The following RBFOX2 variants were observed in gnomAD, a reference collection of about 807,000 sequenced individuals.
RBFOX2 encodes RNA binding fox-1 homolog 2.
Under a neutral mutation model 49.1 loss-of-function variants are expected in RBFOX2, and 10 were observed. That is an observed-to-expected ratio of 0.20 (90% CI 0.13 to 0.35). The LOEUF is 0.35. RBFOX2 is among the 10% of genes least tolerant of loss of function. The probability of loss-of-function intolerance (pLI) is 1.00; values close to 1 mark genes in which losing one functional copy is unlikely to be tolerated. For missense variants in RBFOX2, 323 were observed against 486.9 expected, an observed-to-expected ratio of 0.66 and a Z score of 3.17; for synonymous variants, 183 against 187.4, an observed-to-expected ratio of 0.98 and a Z score of 0.19.
intron 1 of RBFOX2, among the ~76,000 whole-genome samples, chr22:35,899,768 G>A (rs1387994184): frequency 1.3e-5 from 2 of 152,164 alleles, no homozygotes; most frequent in Non-Finnish European, 2.9e-5. Flanking sequence ...CAGAGATTAA[G>A]ATGCACACAT....
At chr22:36,012,554 T>C (rs780297316) in intron 1 of RBFOX2, among the ~76,000 whole-genome samples, 9 of 152,086 alleles carry the variant, frequency 5.9e-5, no homozygotes, top group African/African-American at 2.2e-4. Flanking sequence ...CACTCCAGCC[T>C]GAGTGATGCA....
At chr22:35,774,024 C>T (rs1212619722) in intron 4 of RBFOX2, among the ~76,000 whole-genome samples, 1 of 152,094 alleles carries the variant, frequency 6.6e-6, no homozygotes, top group African/African-American at 2.4e-5. Context: ...ATGAGAATAT[C>T]ACTAGTGCAC....
At chr22:35,753,526 A>G in intron 9 of RBFOX2, among the ~76,000 whole-genome samples, 1 of 152,098 alleles carries the variant, frequency 6.6e-6, no homozygotes, top group South Asian at 2.1e-4. Flanking sequence ...CATTACTATT[A>G]ATTACTTTCA....
chr22:35,836,937 G>A (rs1174440930), intron 1 of RBFOX2, among the ~76,000 whole-genome samples: 2 of 152,144 alleles, frequency 1.3e-5, no homozygotes, highest in African/African-American at 4.8e-5. Context: ...AATATGAGAT[G>A]CAATAATCTG....
chr22:35,746,139 C>A (rs1430207177), intron 10 of RBFOX2, 144 bp from the exon 13 acceptor site: 8 of 761,260 alleles, frequency 1.1e-5, no homozygotes, highest in Non-Finnish European at 4.4e-6. Context: ...TAGGAAAAAA[C>A]CTTTCTATTT....
intron 1 of RBFOX2, among the ~76,000 whole-genome samples, chr22:35,953,210 CAAAAAAAAAAAAA>C (rs34387129): frequency 4.5e-5 from 1 of 22,418 alleles, no homozygotes; most frequent in African/African-American, 1.9e-4. Context: ...GACTCCATCT[CAAAAAAAAAAAAA>C]AAAAAAAAAA....
chr22:35,865,655 A>G (rs757370358), intron 1 of RBFOX2, among the ~76,000 whole-genome samples: 1 of 152,214 alleles, frequency 6.6e-6, no homozygotes, highest in Non-Finnish European at 1.5e-5. Flanking sequence ...TAGTGTGGAT[A>G]TAACAATATT....
intron 1 of RBFOX2, among the ~76,000 whole-genome samples, chr22:35,922,986 T>C (rs566703936): frequency 2.0e-5 from 3 of 152,322 alleles, no homozygotes; most frequent in Admixed American, 6.5e-5. Context: ...TGAAGTCCTA[T>C]GGCTCTGTCT....
rs183037566 is a variant in RBFOX2, at chr22:35,799,865, G to A, written c.252+9915C>T. On this transcript the variant is annotated intron_variant, in intron 2 of 11. Coordinates refer to ENST00000405409, the Ensembl canonical transcript of RBFOX2. ...CTACTCGTGGCGGCTGAGGCAGGAG[G>A]ACCATCTGAGCCTGGGAGGCAGAGG... 8.4e-3 allele frequency among the ~76,000 whole-genome samples: 1,274 copies of A among 152,094 alleles called. 4 individuals carry two copies. Among genetic ancestry groups the A allele is most frequent in the Non-Finnish European group, 0.011 (756 of 67,976 alleles).
intron 1 of RBFOX2, among the ~76,000 whole-genome samples, chr22:35,917,869 C>T (rs2050601653): frequency 6.6e-6 from 1 of 152,180 alleles, no homozygotes; most frequent in Non-Finnish European, 1.5e-5. Context: ...CATGACAGTA[C>T]ATGTTCTTCA....
At chr22:35,842,947 G>C (rs3885446), upstream of RBFOX2, among the ~76,000 whole-genome samples, 1 of 152,060 alleles carries the variant, frequency 6.6e-6, no homozygotes, top group East Asian at 1.9e-4. Context: ...AGTGCAAATA[G>C]GCTTAAAAAT....
chr22:35,750,583 G>A, intron 9 of RBFOX2: 1 of 633,652 alleles, frequency 1.6e-6, no homozygotes, highest in Non-Finnish European at 2.9e-6. Flanking sequence ...GCTTGGCTAA[G>A]CTTGATTCAG....
chr22:35,887,615 C>G lies in RBFOX2; in HGVS notation c.-34+51232G>C, dbSNP rs577294522. On this transcript the variant is annotated intron_variant, in intron 1 of 13. Transcript: ENST00000359369. ...TTCCAGATATCCTCTTCCTTCCTTC[C>G]CAATACTGCTTCCAAACCACTTCTC... 1.3e-4 allele frequency among the ~76,000 whole-genome samples: 20 copies of G among 152,216 alleles called. 2 individuals are homozygous for G. The highest frequency in any genetic ancestry group is 4.6e-4 in the African/African-American group (19 of 41,520).
intron 11 of RBFOX2, among the ~76,000 whole-genome samples, chr22:35,744,686 C>T (rs192658864): frequency 2.3e-3 from 347 of 152,326 alleles, no homozygotes; most frequent in Non-Finnish European, 4.3e-3. Flanking sequence ...TGACACGATC[C>T]CTGCCATGTG....
intron 1 of RBFOX2, among the ~76,000 whole-genome samples, chr22:35,923,023 T>C (rs1321786955): frequency 1.3e-5 from 2 of 152,230 alleles, no homozygotes; most frequent in Non-Finnish European, 2.9e-5. Flanking sequence ...CAACATTTAG[T>C]GTGAGTCCTG....
intron 1 of RBFOX2, among the ~76,000 whole-genome samples, chr22:35,957,807 A>G (rs939591589): frequency 6.6e-6 from 1 of 152,210 alleles, no homozygotes; most frequent in African/African-American, 2.4e-5. Context: ...CTGGATCTGA[A>G]TGGAATAACA....
In RBFOX2 at chr22:35,782,669, T is replaced by C. The variant is rs916388756; in HGVS notation, c.253-923A>G. Among the ~76,000 whole-genome samples, 9 of 152,258 alleles carry C rather than the reference T, an allele frequency of 5.9e-5. No individual in the cohort carries two copies. The South Asian group carries it at 1.9e-3, about 32-fold the overall frequency. On this transcript the variant is annotated intron_variant, in intron 2 of 11. Coordinates refer to ENST00000405409, the Ensembl canonical transcript of RBFOX2. The stretch of plus-strand genomic sequence containing the variant: ...AATCTGTACTCTCCTCCCTAACTTA[T>C]GCAATTCCAGCTAACTTTAGTACAG...
At chr22:35,767,632 C>T (rs1417735691) in intron 5 of RBFOX2, among the ~76,000 whole-genome samples, 1 of 152,140 alleles carries the variant, frequency 6.6e-6, no homozygotes, top group Non-Finnish European at 1.5e-5. Context: ...CATTCGCCAG[C>T]CAGCCATCAT....
At chr22:35,757,959 C>T (rs1318973624) in intron 9 of RBFOX2, among the ~76,000 whole-genome samples, 1 of 152,162 alleles carries the variant, frequency 6.6e-6, no homozygotes, top group Non-Finnish European at 1.5e-5. Context: ...AACACGAATA[C>T]ATTTTACCCT....
Sources: gnomAD v4.1 joint callset for allele counts (sites outside exome capture counted in the v4.1 genomes callset) on GRCh38, gnomAD v4.1.1 for gene constraint, MANE v1.5 for transcripts, NCBI Gene and HGNC (gene_info 2026-07-23, HGNC 2026-07-21) for gene names.